Variants in KSR1 observed in about 807,000 individuals in gnomAD.
KSR1 encodes kinase suppressor of ras 1.
Under a neutral mutation model 92.9 loss-of-function variants are expected in KSR1, and 35 were observed. The ratio of observed to expected loss-of-function variants is 0.38; its 90% CI spans 0.29 to 0.50. The LOEUF (loss-of-function observed/expected upper bound fraction) is 0.50, where lower values mean the gene tolerates loss of function less well. KSR1 is among the 20% of genes least tolerant of loss of function. KSR1 has a pLI of 0.94. For missense variants in KSR1, 972 were observed against 1,158.5 expected, an observed-to-expected ratio of 0.84 and a Z score of 2.34; for synonymous variants, 467 against 472.6, an observed-to-expected ratio of 0.99 and a Z score of 0.15.
At chr17:27,605,900 G>T (rs1450843790) in intron 14 of KSR1, 87 bp downstream of exon 14, 7 of 1,527,112 alleles carry the variant, frequency 4.6e-6, no homozygotes, top group African/African-American at 1.4e-5. Flanking sequence ...GCCCTAGAGG[G>T]TGTGGAAGTT....
chr17:27,566,446 G>A, intron 2 of KSR1: 1 of 399,214 alleles, frequency 2.5e-6, no homozygotes, highest in Non-Finnish European at 4.4e-6. Context: ...CTGGGCTCAG[G>A]CCCCCTTGTC....
Position 27,560,082 on chromosome 17 carries a change from G to A in KSR1, c.372+9374G>A, listed in dbSNP as rs111789623. 3.1e-3 allele frequency among the ~76,000 whole-genome samples: 475 copies of A among 152,336 alleles called. 2 individuals carry two copies. Among genetic ancestry groups the A allele is most frequent in the African/African-American group, 0.011 (447 of 41,572 alleles). On this transcript the variant is annotated intron_variant, in intron 2 of 20. Coordinates refer to ENST00000644974, the MANE Select transcript of KSR1 (RefSeq NM_001394583.1). Reference sequence around the variant, plus strand: ...CTCCCACGTGGCTGGAGGGTGGAAGGGTCGGGGATAGGAAATGAGATGGGA... The same window carrying A: ...CTCCCACGTGGCTGGAGGGTGGAAGAGTCGGGGATAGGAAATGAGATGGGA...
chr17:27,467,274 ACT>A (rs1184936700), intron 1 of KSR1, among the ~76,000 whole-genome samples: 7 of 151,854 alleles, frequency 4.6e-5, no homozygotes, highest in Non-Finnish European at 1.0e-4. Flanking sequence ...AATTTTGAAG[ACT>A]CTGGTTGCCT....
In KSR1 at chr17:27,577,723, G is replaced by A. The variant is rs2072569734; in HGVS notation, c.520+84G>A. 2 of 1,175,160 alleles carry A rather than the reference G, an allele frequency of 1.7e-6. No individual in the cohort carries two copies. Among genetic ancestry groups the A allele is most frequent in the Middle Eastern group, 1.9e-4 (1 of 5,302 alleles). The allele number at this position is 1,175,160 out of a possible 1,614,324, so 72.8% of individuals were successfully genotyped here. A position where few individuals can be genotyped will look rare whatever the true frequency, so the allele number is the denominator to read the frequency against. ...TTCACTATGGTGGGTGATGGAGCGGGGCAAGCGTGGCCCAGGGTTTCTGGG... is the reference window on the plus strand; with the variant it reads ...TTCACTATGGTGGGTGATGGAGCGGAGCAAGCGTGGCCCAGGGTTTCTGGG... On this transcript the variant is annotated intron_variant, in intron 3 of 20. Transcript: ENST00000644974. This position sits in a 1 kb window ranked among gnomAD's most constrained non-coding sequence, Gnocchi z 4.5.
chr17:27,601,300 G>T, intron 10 of KSR1, 60 bp from the exon 11 acceptor site: 1 of 1,460,488 alleles, frequency 6.8e-7, no homozygotes, highest in Non-Finnish European at 9.6e-7. Context: ...CTGCAATTCC[G>T]CTCCTCCCTC....
chr17:27,560,690 G>A (rs565954163), intron 2 of KSR1, among the ~76,000 whole-genome samples: 4 of 152,300 alleles, frequency 2.6e-5, no homozygotes, highest in South Asian at 4.1e-4. Context: ...CCAGGAAAGC[G>A]AACCCGCATT....
At position 27,525,190 on chromosome 17, in the gene KSR1, C is replaced by A. The variant is rs2070210344; in HGVS notation, c.232-25378C>A. ...CAGGTGGCCTGGGTTCAGATTCCAG[C>A]TCCGCCTCTTACTTACTGTGTGAAC... On this transcript the variant is annotated intron_variant, in intron 1 of 20. Coordinates refer to ENST00000644974, the MANE Select transcript of KSR1 (RefSeq NM_001394583.1). 2.6e-5 allele frequency among the ~76,000 whole-genome samples: 4 copies of A among 152,228 alleles called. No homozygotes were observed. In the South Asian group the frequency reaches 8.3e-4, roughly 31 times the overall value.
At chr17:27,606,798 A>C (rs1201825186) in intron 14 of KSR1, among the ~76,000 whole-genome samples, 1 of 152,092 alleles carries the variant, frequency 6.6e-6, no homozygotes, top group African/African-American at 2.4e-5. Context: ...TCTCAAAAAA[A>C]AAAAAAAAGT....
At chr17:27,609,098 T>C in intron 15 of KSR1, 98 bp from the exon 16 acceptor site, 1 of 1,356,126 alleles carries the variant, frequency 7.4e-7, no homozygotes, top group Non-Finnish European at 1.0e-6. Flanking sequence ...TGCATGGAAT[T>C]GTGAAGATCA....
intron 1 of KSR1, among the ~76,000 whole-genome samples, chr17:27,517,099 GA>G (rs2069826701): frequency 6.6e-6 from 1 of 152,212 alleles, no homozygotes; most frequent in African/African-American, 2.4e-5. Flanking sequence ...ATTCTGTAGA[GA>G]ATCCCCTTCC....
At chr17:27,622,942 C>T (rs1382192616) in intron 20 of KSR1, 1 of 271,572 alleles carries the variant, frequency 3.7e-6, no homozygotes, top group African/African-American at 2.3e-5. Context: ...AAGGAACATG[C>T]CCTGTCACTC....
intron 2 of KSR1, among the ~76,000 whole-genome samples, chr17:27,575,164 G>A (rs2072457361): frequency 6.6e-6 from 1 of 152,236 alleles, no homozygotes; most frequent in South Asian, 2.1e-4. Flanking sequence ...TATTAGAGAA[G>A]TGGAGAAACA....
intron 1 of KSR1, among the ~76,000 whole-genome samples, chr17:27,499,683 A>G (rs903373896): frequency 2.0e-5 from 3 of 152,204 alleles, no homozygotes; most frequent in Admixed American, 2.0e-4. Flanking sequence ...GGCACTCATG[A>G]TGTCATCTTC....
chr17:27,491,468 G>C (rs1355589078), intron 1 of KSR1, among the ~76,000 whole-genome samples: 1 of 151,992 alleles, frequency 6.6e-6, no homozygotes, highest in Non-Finnish European at 1.5e-5. Flanking sequence ...GGGATTACAG[G>C]CACGAGCCAC....
At chr17:27,534,501 G>A (rs1219550520) in intron 1 of KSR1, among the ~76,000 whole-genome samples, 1 of 152,226 alleles carries the variant, frequency 6.6e-6, no homozygotes, top group Non-Finnish European at 1.5e-5. Context: ...CTGAGGCAGA[G>A]GGTGGTTAAG....
chr17:27,511,984 C>T (rs1320318251), intron 1 of KSR1, among the ~76,000 whole-genome samples: 3 of 152,204 alleles, frequency 2.0e-5, no homozygotes, highest in Admixed American at 6.5e-5. Flanking sequence ...GCCCAAGTGG[C>T]TTTGTGCAAT....
intron 9 of KSR1, among the ~76,000 whole-genome samples, chr17:27,595,506 AC>A (rs1254621427): frequency 6.6e-6 from 1 of 152,164 alleles, no homozygotes; most frequent in Non-Finnish European, 1.5e-5. Flanking sequence ...GCCTAGAGTC[AC>A]CCAGCTAAGT....
chr17:27,525,820 C>G (rs1597948008), intron 1 of KSR1, among the ~76,000 whole-genome samples: 4 of 152,198 alleles, frequency 2.6e-5, no homozygotes, highest in Non-Finnish European at 4.4e-5. Flanking sequence ...GGTAGTCTAG[C>G]AAGATTTGCC....
chr17:27,554,140 A>G (rs1160555998), intron 2 of KSR1, among the ~76,000 whole-genome samples: 1 of 152,182 alleles, frequency 6.6e-6, no homozygotes, highest in African/African-American at 2.4e-5. Context: ...CATGTCTGTC[A>G]TGCATTAAAA....
Sources: gnomAD v4.1 joint callset for allele counts (sites outside exome capture counted in the v4.1 genomes callset) on GRCh38, gnomAD v4.1.1 for gene constraint, Gnocchi (gnomAD v3.1) non-coding constraint, MANE v1.5 for transcripts, NCBI Gene and HGNC (gene_info 2026-07-23, HGNC 2026-07-21) for gene names.